The following SEMA5A variants were observed in gnomAD, a reference collection of about 807,000 sequenced individuals.
SEMA5A encodes semaphorin 5A.
Under a neutral mutation model 135.5 loss-of-function variants are expected in SEMA5A, and 55 were observed. The ratio of observed to expected loss-of-function variants is 0.41; its 90% CI spans 0.33 to 0.51. The LOEUF (loss-of-function observed/expected upper bound fraction) is 0.51, where lower values mean the gene tolerates loss of function less well. SEMA5A is among the 20% of genes least tolerant of loss of function. The pLI is 0.37. For synonymous variants in SEMA5A, 580 were observed against 546.5 expected (o/e 1.06, Z -0.85); for missense variants, 1,290 against 1,419.9 (o/e 0.91, Z 1.47).
At chr5:9,235,764 G>C (rs181878) in intron 6 of SEMA5A, among the ~76,000 whole-genome samples, 2 of 150,456 alleles carry the variant, frequency 1.3e-5, no homozygotes, top group Non-Finnish European at 2.9e-5. Flanking sequence ...AAAAAGAGGA[G>C]AGGAAAGAGT....
intron 2 of SEMA5A, among the ~76,000 whole-genome samples, chr5:9,408,810 C>T (rs1450991451): frequency 6.6e-6 from 1 of 151,928 alleles, no homozygotes; most frequent in Non-Finnish European, 1.5e-5. Flanking sequence ...ACACTGAAAA[C>T]AATTTCAAAA....
At chr5:9,372,963 G>C (rs1390739923) in intron 3 of SEMA5A, among the ~76,000 whole-genome samples, 1 of 152,162 alleles carries the variant, frequency 6.6e-6, no homozygotes, top group Non-Finnish European at 1.5e-5. Flanking sequence ...TGGCCCACAA[G>C]ACAGCACGGG....
In SEMA5A at chr5:9,267,552, A is replaced by T. The variant is rs1646136263; in HGVS notation, c.271-29662T>A. Reference sequence around the variant, plus strand: ...TGCTTTTCTTATTTACAGACCCTGAAATCTTCCTCCTGGGTCTTCTAGACC... The same window carrying T: ...TGCTTTTCTTATTTACAGACCCTGATATCTTCCTCCTGGGTCTTCTAGACC... On this transcript the variant is annotated intron_variant, in intron 5 of 22. Coordinates refer to ENST00000382496, the MANE Select transcript of SEMA5A (RefSeq NM_003966.3). Among the ~76,000 whole-genome samples, 3 of 152,160 alleles carry T rather than the reference A, an allele frequency of 2.0e-5. No homozygotes were observed. The South Asian group carries it at 6.2e-4, about 32-fold the overall frequency.
At chr5:9,133,824 G>T (rs2150212082) in intron 13 of SEMA5A, among the ~76,000 whole-genome samples, 1 of 145,148 alleles carries the variant, frequency 6.9e-6, no homozygotes, top group South Asian at 2.2e-4. Flanking sequence ...CTGTTGCCCA[G>T]GCTGGAGTGC....
intron 4 of SEMA5A, 24 bp downstream of exon 4, chr5:9,337,689 G>T: frequency 1.3e-6 from 2 of 1,539,284 alleles, no homozygotes; most frequent in Non-Finnish European, 1.8e-6. Flanking sequence ...AATATCTGTG[G>T]TGGCAAAATA....
intron 20 of SEMA5A, among the ~76,000 whole-genome samples, chr5:9,051,571 C>A (rs1736577933): frequency 6.6e-6 from 1 of 152,126 alleles, no homozygotes; most frequent in African/African-American, 2.4e-5. Context: ...AACCAAATAA[C>A]CAAAACATAT....
chr5:9,289,801 G>A lies in SEMA5A; in HGVS notation c.270+28571C>T, dbSNP rs148800728. 5.4e-3 allele frequency among the ~76,000 whole-genome samples: 826 copies of A among 152,154 alleles called. 8 individuals carry two copies. Among genetic ancestry groups the A allele is most frequent in the African/African-American group, 0.019 (776 of 41,512 alleles). On this transcript the variant is annotated intron_variant, in intron 5 of 22. Transcript: ENST00000382496. ...CAAGCACATTTTCATCTTCACTGAT[G>A]TCAATATCTTGTGCTCAAAAATTTA...
At chr5:9,508,767 G>C (rs1314752851) in intron 1 of SEMA5A, among the ~76,000 whole-genome samples, 1 of 152,114 alleles carries the variant, frequency 6.6e-6, no homozygotes, top group African/African-American at 2.4e-5. Flanking sequence ...CTTCACTGTA[G>C]TCATGTTGCA....
chr5:9,056,590 T>G (rs145471377), intron 18 of SEMA5A, among the ~76,000 whole-genome samples: 1 of 152,238 alleles, frequency 6.6e-6, no homozygotes, highest in East Asian at 1.9e-4. Context: ...TGCATGTTGG[T>G]GCAAATCTGT....
At chr5:9,369,615 A>G (rs765571195) in intron 3 of SEMA5A, among the ~76,000 whole-genome samples, 25 of 152,148 alleles carry the variant, frequency 1.6e-4, no homozygotes, top group Non-Finnish European at 3.1e-4. Flanking sequence ...TCATTGATTT[A>G]CCATAGCCTC....
At chr5:9,466,472 T>A (rs1323801974) in intron 1 of SEMA5A, among the ~76,000 whole-genome samples, 3 of 151,670 alleles carry the variant, frequency 2.0e-5, no homozygotes, top group African/African-American at 7.3e-5. Flanking sequence ...AAAGAAGGGC[T>A]ATTGAAGGGC....
chr5:9,112,393 C>T (rs1245563740), intron 15 of SEMA5A, among the ~76,000 whole-genome samples: 1 of 152,160 alleles, frequency 6.6e-6, no homozygotes, highest in East Asian at 1.9e-4. Flanking sequence ...ATGCTAGTTG[C>T]TCACTGCAAT....
intron 5 of SEMA5A, among the ~76,000 whole-genome samples, chr5:9,240,561 A>T (rs560714820): frequency 1.9e-4 from 27 of 144,456 alleles, no homozygotes; most frequent in African/African-American, 5.8e-4. Context: ...ACATGAAATT[A>T]AAAAAAAAAA....
intron 9 of SEMA5A, among the ~76,000 whole-genome samples, chr5:9,198,884 AT>A (rs1424645983): frequency 8.5e-5 from 13 of 152,228 alleles, no homozygotes; most frequent in African/African-American, 2.9e-4. Flanking sequence ...AGGCAGGCAA[AT>A]GGGGGATATT....
intron 4 of SEMA5A, among the ~76,000 whole-genome samples, chr5:9,322,163 A>G (rs145835109): frequency 9.2e-5 from 14 of 152,290 alleles, no homozygotes; most frequent in African/African-American, 2.6e-4. Flanking sequence ...CCACACCTCC[A>G]TAAGCAAATA....
At chr5:9,225,833 A>G (rs1241251907) in intron 7 of SEMA5A, among the ~76,000 whole-genome samples, 1 of 152,084 alleles carries the variant, frequency 6.6e-6, no homozygotes, top group Non-Finnish European at 1.5e-5. Flanking sequence ...TACTGGTGGA[A>G]TCTTTGCTCA....
At chr5:9,517,143 C>T (rs1736575699) in intron 1 of SEMA5A, 1 of 152,172 alleles carries the variant, frequency 6.6e-6, no homozygotes, top group South Asian at 2.1e-4. Flanking sequence ...CATGTCCAGT[C>T]CGGAGTGGGT....
chr5:9,259,361 C>T (rs959244186), intron 5 of SEMA5A, among the ~76,000 whole-genome samples: 1 of 151,962 alleles, frequency 6.6e-6, no homozygotes, highest in African/African-American at 2.4e-5. Context: ...AGTTGAGTGG[C>T]TTTGAGTGAG....
intron 1 of SEMA5A, among the ~76,000 whole-genome samples, chr5:9,523,733 T>C (rs1305715432): frequency 6.6e-6 from 1 of 152,134 alleles, no homozygotes; most frequent in East Asian, 1.9e-4. Flanking sequence ...CTGGACAAGG[T>C]CCAGTGCAAA....
Sources: allele counts gnomAD v4.1 joint callset (sites outside exome capture counted in the v4.1 genomes callset), GRCh38; gene constraint gnomAD v4.1.1; transcripts MANE v1.5; gene names NCBI Gene and HGNC (gene_info 2026-07-23, HGNC 2026-07-21).